OR9Q1: variants seen among roughly 807,000 people sequenced by gnomAD.
OR9Q1 encodes the protein olfactory receptor family 9 subfamily Q member 1, also known as olfactory receptor 9Q1.
For missense variants in OR9Q1, 374 were observed against 378.8 expected (o/e 0.99, Z 0.11); for synonymous variants, 153 against 148.6 (o/e 1.03, Z -0.22).
At chr11:58,163,798 C>A (rs757702991) in intron 2 of OR9Q1, among the ~76,000 whole-genome samples, 29 of 152,120 alleles carry the variant, frequency 1.9e-4, no homozygotes, top group Non-Finnish European at 3.8e-4. Context: ...GGTGGCAGAG[C>A]CTGTGATTCA....
rs188227680 is a variant in OR9Q1, at chr11:58,098,389, G to A, written c.-15+42442G>A. On this transcript the variant is annotated intron_variant, in intron 2 of 2. Coordinates refer to ENST00000335397, the MANE Select transcript of OR9Q1 (RefSeq NM_001005212.4). ...CTTGTCAAATTTTTTTGTCATGCTA[G>A]TTACAATATCTCATATTTTATGATA... Among the ~76,000 whole-genome samples, 424 of 152,214 alleles carry A rather than the reference G, an allele frequency of 2.8e-3. 2 individuals carry two copies. The highest frequency in any genetic ancestry group is 9.4e-3 in the African/African-American group (392 of 41,530).
chr11:58,076,519 G>A (rs1262147610), intron 2 of OR9Q1, among the ~76,000 whole-genome samples: 1 of 152,184 alleles, frequency 6.6e-6, no homozygotes, highest in Non-Finnish European at 1.5e-5. Flanking sequence ...TTCAAGACAA[G>A]CAGGAGAATG....
intron 2 of OR9Q1, among the ~76,000 whole-genome samples, chr11:58,153,929 A>G (rs1854379115): frequency 6.6e-6 from 1 of 152,198 alleles, no homozygotes; most frequent in Non-Finnish European, 1.5e-5. Flanking sequence ...GCTCTGTACA[A>G]CCTATCATCA....
intron 2 of OR9Q1, among the ~76,000 whole-genome samples, chr11:58,060,825 A>C (rs1234455916): frequency 2.6e-5 from 4 of 151,986 alleles, no homozygotes; most frequent in Non-Finnish European, 5.9e-5. Context: ...GAGGATAAGA[A>C]CAAAACACAG....
At chr11:58,048,691 T>C (rs959803348) in intron 1 of OR9Q1, among the ~76,000 whole-genome samples, 2 of 145,638 alleles carry the variant, frequency 1.4e-5, no homozygotes, top group African/African-American at 5.0e-5. Flanking sequence ...TATATATATA[T>C]ATATTTTTTA....
chr11:58,175,232 T>C lies in OR9Q1; in HGVS notation c.-14-4199T>C, dbSNP rs75045899. ...GATTTTGGAACTGGGAAAAGAGAAA[T>C]ACAAACAAAAGATTTTCTCAGTGGA... On this transcript the variant is annotated intron_variant, in intron 2 of 2. Transcript: ENST00000335397. Among the ~76,000 whole-genome samples the C allele has an allele frequency of 7.2e-3, 1,074 of 149,320 alleles. 10 individuals carry two copies. Among genetic ancestry groups the C allele is most frequent in the African/African-American group, 0.019 (771 of 40,452 alleles).
chr11:58,098,354 TTTCTTTTGACTTGTCAAA>T (rs1853751513), intron 2 of OR9Q1, among the ~76,000 whole-genome samples: 1 of 152,216 alleles, frequency 6.6e-6, no homozygotes, highest in African/African-American at 2.4e-5. Context: ...AAGGAATTTG[TTTCTTTTGACTTGTCAAA>T]TTTTTTTGTC....
rs536468095 is a variant in OR9Q1 at position 58,089,158 on chromosome 11, G to A, written c.-15+33211G>A. On this transcript the variant is annotated intron_variant, in intron 2 of 2. Transcript: ENST00000335397. ...TTCCCAAAGTGTTGGGATTACAAGCGTGAGCCACCATGCCCAGCCGTTGCA... is the reference window on the plus strand; with the variant it reads ...TTCCCAAAGTGTTGGGATTACAAGCATGAGCCACCATGCCCAGCCGTTGCA... Among the ~76,000 whole-genome samples, 8 of 151,816 alleles carry A rather than the reference G, an allele frequency of 5.3e-5. No individual in the cohort carries two copies. In the East Asian group the frequency reaches 5.8e-4, roughly 11 times the overall value.
chr11:58,085,127 CA>C (rs1853622551), intron 2 of OR9Q1, among the ~76,000 whole-genome samples: 1 of 151,912 alleles, frequency 6.6e-6, no homozygotes, highest in Non-Finnish European at 1.5e-5. Context: ...GATTATTAAG[CA>C]TAATTATAAT....
intron 2 of OR9Q1, among the ~76,000 whole-genome samples, chr11:58,100,533 A>T (rs891240699): frequency 4.6e-5 from 7 of 152,164 alleles, no homozygotes; most frequent in Admixed American, 1.3e-4. Flanking sequence ...ATTTTATGTT[A>T]CACATGTTTA....
At chr11:58,031,527 C>A (rs138474678) in intron 1 of OR9Q1, 1 of 1,613,972 alleles carries the variant, frequency 6.2e-7, no homozygotes, top group Admixed American at 1.7e-5. Context: ...CTAGCCTTGT[C>A]GTGCTCAGAT....
chr11:58,109,715 A>G, intron 2 of OR9Q1: 1 of 383,608 alleles, frequency 2.6e-6, no homozygotes, highest in South Asian at 2.0e-5. Context: ...AGATTCCAGA[A>G]CTAAAGGTCT....
intron 2 of OR9Q1, among the ~76,000 whole-genome samples, chr11:58,115,199 AT>A (rs1853941145): frequency 6.6e-6 from 1 of 152,192 alleles, no homozygotes; most frequent in African/African-American, 2.4e-5. Flanking sequence ...ATTTATCATA[AT>A]TAACAATAAC....
intron 2 of OR9Q1, among the ~76,000 whole-genome samples, chr11:58,166,796 C>T (rs1010935414): frequency 6.6e-6 from 1 of 152,152 alleles, no homozygotes; most frequent in African/African-American, 2.4e-5. Context: ...TCTTTTCATG[C>T]TCTGAGGATC....
chr11:58,065,869 G>A (rs756403387), intron 2 of OR9Q1, among the ~76,000 whole-genome samples: 4 of 152,248 alleles, frequency 2.6e-5, no homozygotes, highest in East Asian at 1.9e-4. Context: ...TCCTACTGCC[G>A]GGTCTTGGCA....
At position 58,180,208 on chromosome 11, in the gene OR9Q1, T is replaced by C; in HGVS notation, c.764T>C (p.Ile255Thr). The change falls in exon 3 of 3, where the codon ATC becomes ACC. Residue 255 changes from isoleucine to threonine, a missense_variant. Physicochemically the swap from Ile to Thr is moderately conservative, Grantham distance 89 (BLOSUM62 -1). Transcript: ENST00000335397. ...GTGTCACTCTTCTTTGGTACCCTCA[T>C]CTTCATGTACTTGAGAGGTAACTCA... Reference protein sequence around the residue: ...TAVSLFFGTLIFMYLRGNSDQ... With the variant: ...TAVSLFFGTLTFMYLRGNSDQ... 1 of 1,614,114 alleles carries C rather than the reference T, an allele frequency of 6.2e-7. No individual in the cohort carries two copies. Among genetic ancestry groups the C allele is most frequent in the Non-Finnish European group, 8.5e-7 (1 of 1,180,006 alleles).
At chr11:58,106,650 C>T (rs1267700937) in intron 2 of OR9Q1, among the ~76,000 whole-genome samples, 1 of 152,066 alleles carries the variant, frequency 6.6e-6, no homozygotes. Flanking sequence ...AGTTTTTAAT[C>T]TGTTTAGAGT....
intron 2 of OR9Q1, among the ~76,000 whole-genome samples, chr11:58,175,594 T>C (rs1854599003): frequency 6.6e-6 from 1 of 152,144 alleles, no homozygotes; most frequent in Admixed American, 6.6e-5. Context: ...GCTTAGGAGT[T>C]TAGTACTTGT....
chr11:58,141,087 TTGTC>T (rs1220446121), intron 2 of OR9Q1, among the ~76,000 whole-genome samples: 1 of 152,236 alleles, frequency 6.6e-6, no homozygotes, highest in African/African-American at 2.4e-5. Context: ...GGCTCTCTGT[TTGTC>T]TGTTATTGGT....
Sources: gnomAD v4.1 joint callset for allele counts (sites outside exome capture counted in the v4.1 genomes callset) on GRCh38, gnomAD v4.1.1 for gene constraint, MANE v1.5 for transcripts, NCBI Gene and HGNC (gene_info 2026-07-23, HGNC 2026-07-21) for gene names.